Variants in PLXDC2 observed in about 807,000 individuals in gnomAD.
The protein encoded by PLXDC2 is plexin domain-containing protein 2.
A neutral mutation model predicts 68.9 loss-of-function variants in PLXDC2; 40 were observed. That is an observed-to-expected ratio of 0.58 (90% CI 0.45 to 0.76). The LOEUF is 0.76. Ranked by LOEUF, PLXDC2 falls within the 30% of genes least tolerant of loss-of-function variation. The pLI is 0.00. For synonymous variants in PLXDC2, 243 were observed against 234.2 expected (o/e 1.04, Z -0.34); for missense variants, 644 against 661.9 (o/e 0.97, Z 0.30).
intron 4 of PLXDC2, among the ~76,000 whole-genome samples, chr10:20,122,608 T>G (rs989329356): frequency 2.0e-5 from 3 of 152,180 alleles, no homozygotes; most frequent in Admixed American, 1.3e-4. Flanking sequence ...GTGGCCAGAT[T>G]TCTGGCACTT....
chr10:19,850,018 C>G (rs992038874), intron 1 of PLXDC2, among the ~76,000 whole-genome samples: 1 of 152,118 alleles, frequency 6.6e-6, no homozygotes, highest in African/African-American at 2.4e-5. Flanking sequence ...TCCTTACTCC[C>G]TAAATTATAT....
At chr10:20,222,296 T>G (rs11011884) in intron 12 of PLXDC2, among the ~76,000 whole-genome samples, 36,228 of 152,102 alleles carry the variant, frequency 0.24, 4,370 homozygotes, top group African/African-American at 0.27. Flanking sequence ...GATTATACAT[T>G]CAGTTTCCAG....
At chr10:19,895,513 G>A (rs1418370057) in intron 1 of PLXDC2, among the ~76,000 whole-genome samples, 1 of 151,916 alleles carries the variant, frequency 6.6e-6, no homozygotes, top group African/African-American at 2.4e-5. Context: ...ATTTCCTTGG[G>A]TAACAAATAT....
intron 1 of PLXDC2, among the ~76,000 whole-genome samples, chr10:19,914,395 T>C (rs776959576): frequency 6.6e-6 from 1 of 152,206 alleles, no homozygotes; most frequent in Non-Finnish European, 1.5e-5. Context: ...ATTCCATTGA[T>C]TTACTTGCAT....
At chr10:19,861,966 G>C (rs1837327486) in intron 1 of PLXDC2, among the ~76,000 whole-genome samples, 1 of 152,114 alleles carries the variant, frequency 6.6e-6, no homozygotes, top group Admixed American at 6.5e-5. Context: ...CAACCACCTA[G>C]GGAAAAGCCA....
chr10:19,918,055 A>G (rs748640199), intron 1 of PLXDC2, among the ~76,000 whole-genome samples: 4 of 152,170 alleles, frequency 2.6e-5, no homozygotes, highest in Admixed American at 2.0e-4. Context: ...GCAGTTTTGG[A>G]CTGAGATCTA....
chr10:20,269,294 C>G (rs1170343495), intron 13 of PLXDC2, among the ~76,000 whole-genome samples: 2 of 143,518 alleles, frequency 1.4e-5, no homozygotes, highest in Non-Finnish European at 3.0e-5. Context: ...CATCTAAAGA[C>G]AGAGGACACA....
chr10:20,038,959 T>C (rs1218365650), intron 2 of PLXDC2, among the ~76,000 whole-genome samples: 2 of 152,136 alleles, frequency 1.3e-5, no homozygotes, highest in Admixed American at 6.6e-5. Context: ...CCCCTACCTT[T>C]TTCTGTATGA....
Position 20,238,473 on chromosome 10 carries a change from C to T in PLXDC2, c.1313-6872C>T, listed in dbSNP as rs1027253164. Among the ~76,000 whole-genome samples, 3 of 150,014 alleles carry T rather than the reference C, an allele frequency of 2.0e-5. No individual in the cohort carries two copies. In the East Asian group the frequency reaches 5.9e-4, roughly 30 times the overall value. ...ACCAGCCTGGCCAACAGGGTGAAACCCCGTCTCTACTAAAAACACAAAAAT... is the reference window on the plus strand; with the variant it reads ...ACCAGCCTGGCCAACAGGGTGAAACTCCGTCTCTACTAAAAACACAAAAAT... On this transcript the variant is annotated intron_variant, in intron 12 of 13. Coordinates refer to ENST00000377252, the MANE Select transcript of PLXDC2 (RefSeq NM_032812.9).
At chr10:20,266,575 A>G (rs1244624220) in intron 13 of PLXDC2, among the ~76,000 whole-genome samples, 3 of 152,192 alleles carry the variant, frequency 2.0e-5, no homozygotes, top group Non-Finnish European at 4.4e-5. Flanking sequence ...ATGTCTATTT[A>G]TTAAATGAAA....
chr10:19,876,864 T>TA (rs1235525155), intron 1 of PLXDC2, among the ~76,000 whole-genome samples: 1 of 152,202 alleles, frequency 6.6e-6, no homozygotes, highest in Non-Finnish European at 1.5e-5. Context: ...TTAAAGTTGT[T>TA]AAACTCAGAT....
intron 9 of PLXDC2, among the ~76,000 whole-genome samples, chr10:20,184,456 C>T (rs559147191): frequency 6.6e-6 from 1 of 150,396 alleles, no homozygotes; most frequent in Non-Finnish European, 1.5e-5. Context: ...TATTATATTT[C>T]AAAAAATCTG....
At chr10:19,927,477 G>T (rs535188467) in intron 1 of PLXDC2, among the ~76,000 whole-genome samples, 1 of 151,938 alleles carries the variant, frequency 6.6e-6, no homozygotes, top group Non-Finnish European at 1.5e-5. Context: ...CAAGTCAGGC[G>T]GATCAAGAAG....
rs1836342588 is a variant in PLXDC2, at chr10:19,816,491, G to C, written c.-589G>C. On this transcript the variant is annotated 5_prime_UTR_variant, in exon 1 of 14. Transcript: ENST00000377252. ...CTCTTTGGAGCTGCCCATTCCTCCG[G>C]CTGCGAGAAAGGACGCGCGCCCTGC... 1 of 149,084 alleles carries C rather than the reference G, an allele frequency of 6.7e-6. No individual in the cohort carries two copies. The highest frequency in any genetic ancestry group is 6.7e-5 in the Admixed American group (1 of 14,850). The allele number at this position is 149,084 out of a possible 1,614,324, so 9.2% of individuals were successfully genotyped here.
chr10:20,021,145 T>G (rs916698672), intron 2 of PLXDC2, among the ~76,000 whole-genome samples: 1 of 152,228 alleles, frequency 6.6e-6, no homozygotes, highest in East Asian at 1.9e-4. Context: ...CATTTGCACA[T>G]TCTCAAAAGC....
intron 6 of PLXDC2, among the ~76,000 whole-genome samples, chr10:20,152,457 G>C (rs1397647341): frequency 6.6e-6 from 1 of 151,914 alleles, no homozygotes; most frequent in Non-Finnish European, 1.5e-5. Context: ...TTAAATTATG[G>C]GCCCTTACTG....
At chr10:19,983,594 C>T (rs763508649) in intron 1 of PLXDC2, among the ~76,000 whole-genome samples, 84 of 152,296 alleles carry the variant, frequency 5.5e-4, no homozygotes, top group African/African-American at 1.9e-3. Context: ...AAGAAACTAA[C>T]GCCCCAGTGA....
chr10:20,179,210 C>A (rs1834569078), intron 9 of PLXDC2, among the ~76,000 whole-genome samples: 2 of 152,122 alleles, frequency 1.3e-5, no homozygotes, highest in Admixed American at 1.3e-4. Context: ...AGGTGCCTAT[C>A]AGCTATGTTT....
In PLXDC2 at chr10:20,285,807, A is replaced by G. The variant is rs938432684; in HGVS notation, c.*5988A>G. 1 of 152,184 alleles carries G rather than the reference A, an allele frequency of 6.6e-6. No homozygotes were observed. Among genetic ancestry groups the G allele is most frequent in the Non-Finnish European group, 1.5e-5 (1 of 68,036 alleles). 9.4% of individuals were successfully genotyped at this position (152,184 alleles called of 1,614,324 possible). On this transcript the variant is annotated 3_prime_UTR_variant, in exon 14 of 14. Transcript: ENST00000377252. The stretch of plus-strand genomic sequence containing the variant: ...GTGTGGTGGTTATGTCATTTATTAG[A>G]CCATCCCAGACATAAGACAATCAGG...
Sources: allele counts gnomAD v4.1 joint callset (sites outside exome capture counted in the v4.1 genomes callset), GRCh38; gene constraint gnomAD v4.1.1; transcripts MANE v1.5; gene names NCBI Gene and HGNC (gene_info 2026-07-23, HGNC 2026-07-21).